SPAG16: variants seen among roughly 807,000 people sequenced by gnomAD.
SPAG16 encodes sperm associated antigen 16.
SPAG16 carries 86 observed loss-of-function variants against 80.4 expected under a neutral mutation model. The observed-to-expected ratio is 1.07, with a 90% CI of 0.90 to 1.28. The LOEUF is 1.28. Among genes scored for constraint, SPAG16 ranks in the 50% most tolerant of loss-of-function variants. The pLI is 0.00. For missense variants in SPAG16, 870 were observed against 765.3 expected, an observed-to-expected ratio of 1.14 and a Z score of -1.61; for synonymous variants, 294 against 265.9, an observed-to-expected ratio of 1.11 and a Z score of -1.03.
intron 9 of SPAG16, among the ~76,000 whole-genome samples, chr2:213,443,806 A>AT (rs1317245529): frequency 1.3e-5 from 2 of 152,170 alleles, no homozygotes; most frequent in East Asian, 3.9e-4. Flanking sequence ...GTGGTGCTTG[A>AT]TGCATGCACA....
Position 213,489,949 on chromosome 2 carries a change from A to G in SPAG16, c.943-14A>G, listed in dbSNP as rs1449759628. 1 of 1,588,806 alleles carries G rather than the reference A, an allele frequency of 6.3e-7. No individual in the cohort carries two copies. Among genetic ancestry groups the G allele is most frequent in the East Asian group, 2.3e-5 (1 of 44,150 alleles). ...ATATTTAACACAGAGCTCTTGTTTA[A>G]TTTTTTTCTCTAGGATTCAGAATTT... On this transcript the variant is annotated splice_polypyrimidine_tract_variant and intron_variant, in intron 9 of 15. Coordinates refer to ENST00000331683, the MANE Select transcript of SPAG16 (RefSeq NM_024532.5).
chr2:214,009,139 A>G (rs560386477), intron 12 of SPAG16, among the ~76,000 whole-genome samples: 1 of 152,136 alleles, frequency 6.6e-6, no homozygotes, highest in African/African-American at 2.4e-5. Flanking sequence ...ATCTTACTCT[A>G]TGAAAATGCC....
At chr2:213,888,559 T>C (rs1268990202) in intron 11 of SPAG16, among the ~76,000 whole-genome samples, 1 of 151,652 alleles carries the variant, frequency 6.6e-6, no homozygotes, top group African/African-American at 2.4e-5. Context: ...TACATATTAA[T>C]AGGACAATGT....
At chr2:214,348,284 A>AGTT (rs913873587) in intron 15 of SPAG16, among the ~76,000 whole-genome samples, 17 of 152,192 alleles carry the variant, frequency 1.1e-4, no homozygotes, top group African/African-American at 3.9e-4. Flanking sequence ...TTGGGAAGGG[A>AGTT]GTTTAAAAGG....
chr2:214,380,516 ATTTTATTT>A (rs900302734), intron 15 of SPAG16, among the ~76,000 whole-genome samples: 6 of 152,240 alleles, frequency 3.9e-5, no homozygotes, highest in African/African-American at 1.4e-4. Context: ...AAGTTCTTTT[ATTTTATTT>A]TTTAATAAAA....
At chr2:213,408,030 A>C (rs2068758264) in intron 9 of SPAG16, among the ~76,000 whole-genome samples, 1 of 150,342 alleles carries the variant, frequency 6.7e-6, no homozygotes, top group East Asian at 2.0e-4. Context: ...GAGAGACAGG[A>C]GAGAGGCAGA....
At chr2:213,726,095 AG>A (rs2066758639) in intron 10 of SPAG16, among the ~76,000 whole-genome samples, 1 of 152,218 alleles carries the variant, frequency 6.6e-6, no homozygotes, top group African/African-American at 2.4e-5. Flanking sequence ...ATAATAGGCA[AG>A]GAGATACTGA....
At chr2:213,820,965 T>A (rs955673717) in intron 10 of SPAG16, among the ~76,000 whole-genome samples, 2 of 152,124 alleles carry the variant, frequency 1.3e-5, no homozygotes, top group Admixed American at 6.5e-5. Flanking sequence ...TATAAACAAC[T>A]ATAAGAAATT....
chr2:213,882,941 C>T (rs1412252630), intron 11 of SPAG16, among the ~76,000 whole-genome samples: 1 of 152,140 alleles, frequency 6.6e-6, no homozygotes, highest in African/African-American at 2.4e-5. Flanking sequence ...GGCGCGATCT[C>T]GGCTCACTGC....
At chr2:214,067,666 A>G (rs1445435726) in intron 13 of SPAG16, among the ~76,000 whole-genome samples, 2 of 152,114 alleles carry the variant, frequency 1.3e-5, no homozygotes, top group African/African-American at 2.4e-5. Flanking sequence ...TAAGAATGCT[A>G]TCATAATGAT....
intron 10 of SPAG16, among the ~76,000 whole-genome samples, chr2:213,796,914 A>G (rs535579691): frequency 1.8e-5 from 2 of 108,956 alleles, no homozygotes; most frequent in African/African-American, 2.7e-5. Flanking sequence ...TGACAGCTGC[A>G]TGCATGTTAT....
At chr2:213,903,675 G>C (rs888533537) in intron 11 of SPAG16, among the ~76,000 whole-genome samples, 11 of 152,114 alleles carry the variant, frequency 7.2e-5, no homozygotes, top group African/African-American at 2.4e-4. Flanking sequence ...TCCGCTCCTT[G>C]TTACTTATGC....
intron 14 of SPAG16, among the ~76,000 whole-genome samples, chr2:214,128,840 C>T (rs893422749): frequency 6.6e-6 from 1 of 151,758 alleles, no homozygotes; most frequent in Non-Finnish European, 1.5e-5. Flanking sequence ...TACTTAGAAA[C>T]TGGTTAGTAC....
At chr2:213,442,097 G>A (rs1047325600) in intron 9 of SPAG16, among the ~76,000 whole-genome samples, 2 of 152,162 alleles carry the variant, frequency 1.3e-5, no homozygotes, top group African/African-American at 4.8e-5. Context: ...GCAGTGAGCC[G>A]AGATCGCCCC....
chr2:213,672,987 G>A (rs911529828), intron 10 of SPAG16, among the ~76,000 whole-genome samples: 1 of 151,432 alleles, frequency 6.6e-6, no homozygotes, highest in Admixed American at 6.6e-5. Flanking sequence ...CCAATGATCA[G>A]GTCTTTAACT....
chr2:213,974,723 C>T (rs2045268321), intron 12 of SPAG16, among the ~76,000 whole-genome samples: 1 of 151,978 alleles, frequency 6.6e-6, no homozygotes, highest in Non-Finnish European at 1.5e-5. Flanking sequence ...TGTTACACGT[C>T]TGCCAGCCTG....
intron 12 of SPAG16, among the ~76,000 whole-genome samples, chr2:213,994,551 T>A (rs1329651571): frequency 6.6e-6 from 1 of 151,442 alleles, no homozygotes; most frequent in Non-Finnish European, 1.5e-5. Context: ...CATAGGTATT[T>A]CAGAGGGAGA....
chr2:213,678,208 A>G (rs1228673803), intron 10 of SPAG16, among the ~76,000 whole-genome samples: 7 of 152,126 alleles, frequency 4.6e-5, no homozygotes, highest in Non-Finnish European at 1.0e-4. Context: ...AATTAAAAGA[A>G]CTAGAAAAGC....
At chr2:214,388,193 ATTTTATT>A (rs145514048) in intron 15 of SPAG16, among the ~76,000 whole-genome samples, 5,222 of 152,050 alleles carry the variant, frequency 0.034, 310 homozygotes, top group African/African-American at 0.12. Context: ...TATATTTTAT[ATTTTATT>A]AACAAATAAC....
Sources: gnomAD v4.1 joint callset for allele counts (sites outside exome capture counted in the v4.1 genomes callset) on GRCh38, gnomAD v4.1.1 for gene constraint, MANE v1.5 for transcripts, NCBI Gene and HGNC (gene_info 2026-07-23, HGNC 2026-07-21) for gene names.